The following TRA2A variants were observed in gnomAD, a reference collection of about 807,000 sequenced individuals.
The protein encoded by TRA2A is transformer-2 protein homolog alpha.
A neutral mutation model predicts 45.7 loss-of-function variants in TRA2A; 31 were observed. The observed-to-expected ratio is 0.68, with a 90% confidence interval of 0.51 to 0.92. TRA2A has a LOEUF of 0.92. Ranked by LOEUF, TRA2A falls within the 40% of genes least tolerant of loss-of-function variation. The pLI is 0.00. For synonymous variants in TRA2A, 132 were observed against 126.2 expected, an observed-to-expected ratio of 1.05 and a Z score of -0.31; for missense variants, 304 against 367.5, an observed-to-expected ratio of 0.83 and a Z score of 1.41.
chr7:23,511,968 T>C (rs1379024257), intron 4 of TRA2A, among the ~76,000 whole-genome samples: 3 of 152,148 alleles, frequency 2.0e-5, no homozygotes, highest in East Asian at 3.8e-4. Flanking sequence ...AACCCACACA[T>C]CAGAATTATT....
intron 4 of TRA2A, among the ~76,000 whole-genome samples, chr7:23,510,168 A>C (rs1475692602): frequency 6.6e-6 from 1 of 152,198 alleles, no homozygotes; most frequent in East Asian, 1.9e-4. Flanking sequence ...GTTAGCTGAG[A>C]ATTCAGCCTG....
intron 4 of TRA2A, 79 bp from the exon 5 acceptor site, chr7:23,507,614 A>AT: frequency 1.0e-6 from 1 of 1,000,518 alleles, no homozygotes; most frequent in African/African-American, 1.6e-5. Context: ...AGCACAAAGT[A>AT]TATGTAATCC....
At chr7:23,510,068 AAAG>A (rs1789526780) in intron 4 of TRA2A, among the ~76,000 whole-genome samples, 2 of 152,100 alleles carry the variant, frequency 1.3e-5, no homozygotes, top group African/African-American at 4.8e-5. Context: ...AACAACAAAA[AAAG>A]AAAAAAATCA....
intron 2 of TRA2A, among the ~76,000 whole-genome samples, chr7:23,519,197 T>C (rs773283121): frequency 1.3e-5 from 2 of 151,966 alleles, no homozygotes; most frequent in Non-Finnish European, 2.9e-5. Flanking sequence ...ATCGAGACCA[T>C]CGTGGCTAAC....
chr7:23,513,533 G>A (rs1156994274), intron 3 of TRA2A, among the ~76,000 whole-genome samples: 16 of 152,018 alleles, frequency 1.1e-4, no homozygotes, highest in East Asian at 1.9e-4. Context: ...CAGGAGAATC[G>A]CTTGAATCCA....
Position 23,506,153 on chromosome 7 carries a change from T to C in TRA2A, c.755A>G (p.Tyr252Cys), listed in dbSNP as rs765283544. The change falls in exon 6 of 8, where the codon TAT becomes TGT. Residue 252 changes from tyrosine to cysteine, a missense_variant. Tyr to Cys is a radical substitution (Grantham distance 194). This residue lies in a region of TRA2A where 42 missense variants were observed against 37.0 expected (regional missense o/e 1.14). Coordinates refer to ENST00000297071, the MANE Select transcript of TRA2A (RefSeq NM_013293.5). The part of the protein sequence containing the change: ...YDRGYDRYED[Y>C]DYRYRRRSPS... ...AAAACATTACCTGTATCGGTAATCATAGTCTTCATATCTGTCATACCCACG... is the reference window on the plus strand; with the variant it reads ...AAAACATTACCTGTATCGGTAATCACAGTCTTCATATCTGTCATACCCACG... 3.7e-6 allele frequency: 6 copies of C among 1,609,044 alleles called. No homozygotes were observed. In the East Asian group the frequency reaches 6.7e-5, roughly 18 times the overall value.
At chr7:23,524,874 TAG>T (rs1044952943) in intron 1 of TRA2A, among the ~76,000 whole-genome samples, 18 of 151,704 alleles carry the variant, frequency 1.2e-4, no homozygotes, top group African/African-American at 4.1e-4. Context: ...GTGTTTTTAG[TAG>T]AGATAGGGTT....
chr7:23,531,554 G>A, intron 1 of TRA2A: 1 of 588,924 alleles, frequency 1.7e-6, no homozygotes, highest in Non-Finnish European at 3.0e-6. Flanking sequence ...GGAGGGAAGA[G>A]GACCCAGAAG....
At chr7:23,531,511 G>A (rs1428404071) in intron 1 of TRA2A, 2 of 554,996 alleles carry the variant, frequency 3.6e-6, no homozygotes, top group Non-Finnish European at 6.4e-6. Flanking sequence ...AGCCTCAGGG[G>A]TGGGGAGAAG....
At chr7:23,530,836 A>G (rs1459016364) in intron 1 of TRA2A, among the ~76,000 whole-genome samples, 3 of 152,154 alleles carry the variant, frequency 2.0e-5, no homozygotes, top group Admixed American at 6.6e-5. Flanking sequence ...ACAGAACAGT[A>G]TATACTGACT....
At chr7:23,531,091 G>A in intron 1 of TRA2A, 1 of 298,114 alleles carries the variant, frequency 3.4e-6, no homozygotes, top group Non-Finnish European at 5.0e-6. Context: ...AAAGTCGAAG[G>A]GACATTAAGG....
intron 3 of TRA2A, among the ~76,000 whole-genome samples, 154 bp from the exon 4 acceptor site, chr7:23,513,236 G>C (rs1368121652): frequency 2.0e-5 from 3 of 152,168 alleles, no homozygotes; most frequent in African/African-American, 4.8e-5. Context: ...GAGCAGATGA[G>C]CCATATTTTA....
At chr7:23,510,061 A>AAACC (rs1473728622) in intron 4 of TRA2A, among the ~76,000 whole-genome samples, 4 of 152,106 alleles carry the variant, frequency 2.6e-5, no homozygotes, top group Non-Finnish European at 5.9e-5. Flanking sequence ...ACAAACAAAC[A>AAACC]ACAAAAAAAG....
chr7:23,508,058 A>G (rs1027279323), intron 4 of TRA2A, among the ~76,000 whole-genome samples: 6 of 152,080 alleles, frequency 3.9e-5, no homozygotes, highest in Admixed American at 6.6e-5. Flanking sequence ...CCTGCCCCCA[A>G]TCTTATTCTT....
intron 1 of TRA2A, among the ~76,000 whole-genome samples, chr7:23,530,324 T>G (rs1050909698): frequency 6.6e-6 from 1 of 152,178 alleles, no homozygotes; most frequent in Non-Finnish European, 1.5e-5. Flanking sequence ...TAAAGGCAAA[T>G]TTTTTAGTCT....
chr7:23,516,981 A>T (rs2127995920), intron 2 of TRA2A, among the ~76,000 whole-genome samples: 1 of 152,102 alleles, frequency 6.6e-6, no homozygotes, highest in South Asian at 2.1e-4. Flanking sequence ...GGTGGCAGGC[A>T]CCTGTAATTC....
intron 2 of TRA2A, among the ~76,000 whole-genome samples, chr7:23,521,373 T>C (rs1411506515): frequency 6.6e-6 from 1 of 152,202 alleles, no homozygotes; most frequent in East Asian, 1.9e-4. Context: ...AATTGATGGC[T>C]ATATACACAT....
chr7:23,508,780 C>T (rs546011310), intron 4 of TRA2A, among the ~76,000 whole-genome samples: 2 of 152,272 alleles, frequency 1.3e-5, no homozygotes, highest in South Asian at 4.1e-4. Flanking sequence ...AGGCGTAAGC[C>T]ACCACGCCTG....
At chr7:23,506,321 C>T in intron 5 of TRA2A, 55 bp from the exon 6 acceptor site, 2 of 1,470,488 alleles carry the variant, frequency 1.4e-6, no homozygotes, top group Non-Finnish European at 1.8e-6. Context: ...TTCCAGGACA[C>T]TTTAATACAA....
Sources: gnomAD v4.1 joint callset for allele counts (sites outside exome capture counted in the v4.1 genomes callset) on GRCh38, gnomAD v4.1.1 for gene constraint, gnomAD v4.1.1 regional missense constraint, MANE v1.5 for transcripts, NCBI Gene and HGNC (gene_info 2026-07-23, HGNC 2026-07-21) for gene names.